Variants in SLC7A2 observed in about 807,000 individuals in gnomAD.
SLC7A2 encodes solute carrier family 7 member 2, also known as cationic amino acid transporter 2.
SLC7A2 carries 48 observed loss-of-function variants against 58.9 expected under a neutral mutation model. That is an observed-to-expected ratio of 0.82 (90% confidence interval 0.65 to 1.04). The LOEUF (loss-of-function observed/expected upper bound fraction) is 1.04, where lower values mean the gene tolerates loss of function less well. SLC7A2 is among the 50% of genes least tolerant of loss of function. The pLI, the probability that SLC7A2 is intolerant of heterozygous loss-of-function variation, is 0.00. For synonymous variants in SLC7A2, 363 were observed against 314.5 expected (o/e 1.15, Z -1.63); for missense variants, 1,029 against 818.8 (o/e 1.26, Z -3.13).
chr8:17,501,655 G>C (rs535543831), intron 1 of SLC7A2, among the ~76,000 whole-genome samples: 1 of 152,112 alleles, frequency 6.6e-6, no homozygotes, highest in African/African-American at 2.4e-5. Context: ...GAGCATTCTA[G>C]TGCTGCAAAT....
chr8:17,555,881 G>C (rs1351462311), intron 8 of SLC7A2, among the ~76,000 whole-genome samples: 1 of 152,100 alleles, frequency 6.6e-6, no homozygotes, highest in Admixed American at 6.5e-5. Context: ...GGAAGCAAAA[G>C]AAAGACTTTT....
intron 2 of SLC7A2, chr8:17,538,679 G>T: frequency 1.3e-6 from 1 of 787,556 alleles, no homozygotes; most frequent in Non-Finnish European, 1.9e-6. Context: ...TAGAAACGTT[G>T]GGTTTGGACA....
intron 2 of SLC7A2, among the ~76,000 whole-genome samples, chr8:17,516,925 A>G (rs1328815005): frequency 6.6e-6 from 1 of 152,196 alleles, no homozygotes; most frequent in Non-Finnish European, 1.5e-5. Flanking sequence ...GTCTTCATGC[A>G]TGGTACACTG....
At chr8:17,534,647 A>G (rs144681945) in intron 2 of SLC7A2, among the ~76,000 whole-genome samples, 1,565 of 146,736 alleles carry the variant, frequency 0.011, 20 homozygotes, top group African/African-American at 0.037. Context: ...TAACATCTCT[A>G]TGTGTTTGCT....
chr8:17,555,073 G>C (rs772435659), intron 8 of SLC7A2: 25 of 1,613,778 alleles, frequency 1.5e-5, no homozygotes, highest in Non-Finnish European at 2.1e-5. Context: ...GACTGCAGGG[G>C]TCATTTCTGG....
intron 2 of SLC7A2, among the ~76,000 whole-genome samples, chr8:17,529,747 G>C (rs1801365874): frequency 1.3e-5 from 2 of 151,996 alleles, no homozygotes; most frequent in Admixed American, 1.3e-4. Flanking sequence ...ATGTTAGCTA[G>C]GCTGGTCTCG....
chr8:17,497,032 C>T (rs1404365902), upstream of SLC7A2: 1 of 150,424 alleles, frequency 6.6e-6, no homozygotes, highest in South Asian at 2.1e-4. Flanking sequence ...CCGCCCGGCC[C>T]CGCGCCCCGC....
intron 2 of SLC7A2, among the ~76,000 whole-genome samples, chr8:17,542,246 G>C (rs1224911915): frequency 6.6e-6 from 1 of 152,192 alleles, no homozygotes; most frequent in African/African-American, 2.4e-5. Flanking sequence ...TAATGATTAA[G>C]TTTTTACGTG....
intron 6 of SLC7A2, among the ~76,000 whole-genome samples, chr8:17,551,243 T>A (rs1452395144): frequency 6.6e-6 from 1 of 152,176 alleles, no homozygotes; most frequent in African/African-American, 2.4e-5. Context: ...CTCTTCTCCC[T>A]CTGGGAATCG....
At chr8:17,555,188 A>G (rs1473525606) in intron 8 of SLC7A2, 2 of 1,012,052 alleles carry the variant, frequency 2.0e-6, no homozygotes, top group East Asian at 5.3e-5. Flanking sequence ...AGTTAAAAAA[A>G]ACAAAATCAC....
chr8:17,519,780 G>T (rs1232818720), intron 2 of SLC7A2, among the ~76,000 whole-genome samples: 1 of 152,150 alleles, frequency 6.6e-6, no homozygotes, highest in East Asian at 1.9e-4. Context: ...AAGGTGGCCA[G>T]GTTCCTAAAT....
chr8:17,543,690 G>T lies in SLC7A2; in HGVS notation c.351G>T (p.Trp117Cys). ...AGCTGTGGGCCTTCATCACTGGCTG[G>T]AATCTCATTTTATCGTATGTGATAG... is the stretch of plus-strand genomic sequence containing the variant. ...VGELWAFITG[W>C]NLILSYVIGT... is the part of the protein sequence containing the mutation. Residue 117 changes from tryptophan to cysteine, a missense_variant, in exon 3 of 13, where the codon TGG (tryptophan) becomes TGT (cysteine). Trp to Cys is a radical substitution (Grantham distance 215). Transcript: ENST00000494857. 6.6e-7 allele frequency: 1 copy of T among 1,519,458 alleles called. No homozygotes were observed. The highest frequency in any genetic ancestry group is 8.8e-7 in the Non-Finnish European group (1 of 1,134,906). 94.1% of individuals were successfully genotyped at this position (1,519,458 alleles called of 1,614,324 possible).
intron 4 of SLC7A2, 32 bp downstream of exon 4, chr8:17,544,638 T>C: frequency 6.3e-7 from 1 of 1,597,164 alleles, no homozygotes; most frequent in Non-Finnish European, 8.6e-7. Context: ...CTCTGCAGAA[T>C]GAGCCACACT....
rs540437222 is a variant in SLC7A2 at position 17,568,194 on chromosome 8, C to G, written c.*3048C>G. Reference sequence around the variant, plus strand: ...TTTTCTACATTAAGAAATATATTCTCAACATTTTCAGTGAGAATTTCTTGT... The same window carrying G: ...TTTTCTACATTAAGAAATATATTCTGAACATTTTCAGTGAGAATTTCTTGT... On this transcript the variant is annotated 3_prime_UTR_variant, in exon 13 of 13. Coordinates refer to ENST00000494857, the MANE Select transcript of SLC7A2 (RefSeq NM_001370338.1). The G allele has an allele frequency of 6.6e-6, 1 of 151,922 alleles. No individual in the cohort carries two copies. The highest frequency in any genetic ancestry group is 6.6e-5 in the Admixed American group (1 of 15,238). 9.4% of individuals were successfully genotyped at this position (151,922 alleles called of 1,614,324 possible). A position where few individuals can be genotyped will look rare whatever the true frequency, so the allele number is the denominator to read the frequency against.
chr8:17,527,511 A>G (rs1801266899), intron 2 of SLC7A2, among the ~76,000 whole-genome samples: 2 of 152,200 alleles, frequency 1.3e-5, no homozygotes, highest in Non-Finnish European at 1.5e-5. Context: ...TAAAATAACA[A>G]ATAGTTTGTC....
chr8:17,539,041 CTT>C (rs1384823097), intron 2 of SLC7A2: 1 of 827,796 alleles, frequency 1.2e-6, no homozygotes, highest in African/African-American at 1.7e-5. Flanking sequence ...CAACTTCAAA[CTT>C]TTGAACTAAA....
At chr8:17,533,235 A>G (rs1442964682) in intron 2 of SLC7A2, among the ~76,000 whole-genome samples, 1 of 152,246 alleles carries the variant, frequency 6.6e-6, no homozygotes, top group Non-Finnish European at 1.5e-5. Flanking sequence ...GAAGCTAACG[A>G]TAAAAATCTA....
intron 12 of SLC7A2, 95 bp from the exon 13 acceptor site, chr8:17,564,855 A>T (rs1803188179): frequency 1.9e-6 from 2 of 1,054,324 alleles, no homozygotes; most frequent in African/African-American, 3.2e-5. Context: ...GAAAGAGACA[A>T]ACTCTATTAA....
chr8:17,514,829 C>T (rs1176057527), intron 2 of SLC7A2, among the ~76,000 whole-genome samples: 4 of 152,056 alleles, frequency 2.6e-5, no homozygotes, highest in African/African-American at 9.7e-5. Flanking sequence ...CAGTGGAGAC[C>T]CTGTGATAAG....
Sources: allele counts gnomAD v4.1 joint callset (sites outside exome capture counted in the v4.1 genomes callset), GRCh38; gene constraint gnomAD v4.1.1; transcripts MANE v1.5; gene names NCBI Gene and HGNC (gene_info 2026-07-23, HGNC 2026-07-21).